The following FHOD3 variants were observed in gnomAD, a reference collection of about 807,000 sequenced individuals.
The protein encoded by FHOD3 is FH1/FH2 domain-containing protein 3.
A neutral mutation model predicts 173.0 loss-of-function variants in FHOD3; 90 were observed. The ratio of observed to expected loss-of-function variants is 0.52; its 90% confidence interval spans 0.44 to 0.62. FHOD3 has a LOEUF of 0.62. FHOD3 is among the 20% of genes least tolerant of loss of function. The probability of loss-of-function intolerance (pLI) is 0.00; values close to 1 mark genes in which losing one functional copy is unlikely to be tolerated. For missense variants in FHOD3, 1,945 were observed against 2,034.7 expected (o/e 0.96, Z 0.85); for synonymous variants, 828 against 823.0 (o/e 1.01, Z -0.10).
chr18:36,608,321 G>A (rs1014716759), intron 8 of FHOD3, among the ~76,000 whole-genome samples: 1 of 152,234 alleles, frequency 6.6e-6, no homozygotes, highest in African/African-American at 2.4e-5. Context: ...GATACACAGG[G>A]TGAGGGAGGT....
At position 36,712,488 on chromosome 18, in the gene FHOD3, T is replaced by A. The variant is rs1335051604; in HGVS notation, c.2533+3097T>A. Among the ~76,000 whole-genome samples the A allele has an allele frequency of 1.3e-5, 2 of 151,746 alleles. 1 individual carries two copies. The highest frequency in any genetic ancestry group is 4.2e-4 in the South Asian group (2 of 4,808). ...AACAACAAAAAAAAAAAATACTTACTGGATGGGCTTAATAGTAGATTGGAG... is the reference window on the plus strand; with the variant it reads ...AACAACAAAAAAAAAAAATACTTACAGGATGGGCTTAATAGTAGATTGGAG... On this transcript the variant is annotated intron_variant, in intron 18 of 28. Transcript: ENST00000590592.
At chr18:36,366,347 T>G (rs2046898629) in intron 2 of FHOD3, among the ~76,000 whole-genome samples, 1 of 151,726 alleles carries the variant, frequency 6.6e-6, no homozygotes, top group Non-Finnish European at 1.5e-5. Flanking sequence ...TTAAGACAAA[T>G]GGAACGAGGG....
At chr18:36,567,656 C>A (rs1345793075) in intron 5 of FHOD3, among the ~76,000 whole-genome samples, 1 of 152,178 alleles carries the variant, frequency 6.6e-6, no homozygotes, top group Non-Finnish European at 1.5e-5. Context: ...GAATATTGAA[C>A]TGACAGTGCT....
intron 20 of FHOD3, among the ~76,000 whole-genome samples, chr18:36,731,622 C>T (rs1048370823): frequency 3.9e-5 from 6 of 152,156 alleles, no homozygotes; most frequent in Non-Finnish European, 8.8e-5. Context: ...TCCTTTAAAG[C>T]CTCTCTGTGA....
At chr18:36,414,787 G>A (rs1214200812) in intron 3 of FHOD3, among the ~76,000 whole-genome samples, 3 of 152,218 alleles carry the variant, frequency 2.0e-5, no homozygotes, top group African/African-American at 4.8e-5. Context: ...CAGACAGGTG[G>A]CAGGGGGTTT....
At chr18:36,517,225 G>C (rs1453433363) in intron 5 of FHOD3, among the ~76,000 whole-genome samples, 1 of 152,166 alleles carries the variant, frequency 6.6e-6, no homozygotes, top group Middle Eastern at 3.2e-3. Context: ...TTTAATTTAA[G>C]TGTACTGTGA....
chr18:36,536,698 G>A (rs981458714), intron 5 of FHOD3, among the ~76,000 whole-genome samples: 1 of 152,162 alleles, frequency 6.6e-6, no homozygotes, highest in African/African-American at 2.4e-5. Context: ...AGGAGAGTAG[G>A]GAAGGGCTTG....
intron 3 of FHOD3, among the ~76,000 whole-genome samples, chr18:36,451,888 A>T (rs1020035146): frequency 6.6e-6 from 1 of 152,192 alleles, no homozygotes; most frequent in African/African-American, 2.4e-5. Flanking sequence ...GGGGTAGTGC[A>T]GTGGCTCAGC....
chr18:36,555,527 T>A (rs2057843365), intron 5 of FHOD3, among the ~76,000 whole-genome samples: 1 of 152,174 alleles, frequency 6.6e-6, no homozygotes, highest in Admixed American at 6.5e-5. Flanking sequence ...GAATAGCCTA[T>A]AAATGTCAAT....
intron 8 of FHOD3, among the ~76,000 whole-genome samples, chr18:36,605,964 C>G (rs760609531): frequency 1.3e-5 from 2 of 152,086 alleles, no homozygotes; most frequent in Non-Finnish European, 2.9e-5. Flanking sequence ...GGTAACTGTT[C>G]TAAAACTGAT....
chr18:36,441,279 C>G (rs2051132186), intron 3 of FHOD3, among the ~76,000 whole-genome samples: 1 of 152,102 alleles, frequency 6.6e-6, no homozygotes, highest in Admixed American at 6.5e-5. Context: ...CTGCATGAGC[C>G]AGGCATTGTC....
intron 5 of FHOD3, among the ~76,000 whole-genome samples, chr18:36,517,189 C>G (rs2056035789): frequency 6.6e-6 from 1 of 152,154 alleles, no homozygotes; most frequent in Admixed American, 6.5e-5. Context: ...AGCTAATGAT[C>G]TAAAGTTTTT....
At chr18:36,318,979 A>G (rs1210302832) in intron 1 of FHOD3, among the ~76,000 whole-genome samples, 1 of 152,178 alleles carries the variant, frequency 6.6e-6, no homozygotes, top group Middle Eastern at 3.2e-3. Flanking sequence ...TATTGAGATA[A>G]TCCTGTGGTT....
intron 28 of FHOD3, among the ~76,000 whole-genome samples, chr18:36,774,625 T>TTTG (rs748987068): frequency 6.6e-6 from 1 of 152,164 alleles, no homozygotes; most frequent in Admixed American, 6.6e-5. Context: ...ATGTCTGCTT[T>TTTG]TTGTTGTTGT....
intron 3 of FHOD3, among the ~76,000 whole-genome samples, chr18:36,410,129 A>G (rs2049280023): frequency 6.6e-6 from 1 of 152,094 alleles, no homozygotes; most frequent in Non-Finnish European, 1.5e-5. Context: ...ATCATCCTCA[A>G]AAAAAACACC....
intron 3 of FHOD3, among the ~76,000 whole-genome samples, chr18:36,375,780 T>C (rs2047410698): frequency 6.6e-6 from 1 of 152,234 alleles, no homozygotes; most frequent in Non-Finnish European, 1.5e-5. Context: ...GTAGTGGCTC[T>C]GAAGCATTTG....
chr18:36,381,513 G>A (rs755693475), intron 3 of FHOD3, among the ~76,000 whole-genome samples: 2 of 152,182 alleles, frequency 1.3e-5, no homozygotes, highest in Non-Finnish European at 2.9e-5. Flanking sequence ...GTAGCTGCCC[G>A]AGAGGAGGAT....
rs927771929 is a variant in FHOD3 at position 36,574,140 on chromosome 18, C to T, written c.512-2311C>T. 1.4e-4 allele frequency among the ~76,000 whole-genome samples: 21 copies of T among 152,194 alleles called. 1 individual carries two copies. The highest frequency in any genetic ancestry group is 5.1e-4 in the African/African-American group (21 of 41,448). On this transcript the variant is annotated intron_variant, in intron 5 of 28. Coordinates refer to ENST00000590592, the MANE Select transcript of FHOD3 (RefSeq NM_001281740.3). ...AAGTCCCTCTGGAGAACTTGGCACA[C>T]AGTGAGCGCTAAATACATGGTAACT...
chr18:36,530,545 C>T (rs149641773), intron 5 of FHOD3, among the ~76,000 whole-genome samples: 1,619 of 152,252 alleles, frequency 0.011, 30 homozygotes, highest in African/African-American at 0.037. Flanking sequence ...TCATGGCTCT[C>T]GCCTGTCCAT....
Sources: allele counts gnomAD v4.1 joint callset (sites outside exome capture counted in the v4.1 genomes callset), GRCh38; gene constraint gnomAD v4.1.1; transcripts MANE v1.5; gene names NCBI Gene and HGNC (gene_info 2026-07-23, HGNC 2026-07-21).